The following NELFE variants were observed in gnomAD, a reference collection of about 807,000 sequenced individuals.
The protein encoded by NELFE is negative elongation factor E.
In NELFE, 26 loss-of-function variants were observed where a neutral mutation model predicts 55.5. The observed-to-expected ratio is 0.47, with a 90% CI of 0.34 to 0.65. The LOEUF is 0.65. Ranked by LOEUF, NELFE falls within the 30% of genes least tolerant of loss-of-function variation. The pLI is 0.01. For synonymous variants in NELFE, 162 were observed against 178.0 expected (o/e 0.91, Z 0.72); for missense variants, 403 against 506.9 (o/e 0.80, Z 1.97).
chr6:31,957,259 A>C, intron 2 of NELFE: 1 of 610,768 alleles, frequency 1.6e-6, no homozygotes, highest in Non-Finnish European at 2.9e-6. Context: ...AAGACAAATA[A>C]CTCAATCATG....
intron 10 of NELFE, among the ~76,000 whole-genome samples, 171 bp from the exon 11 acceptor site, chr6:31,952,569 A>C (rs1771838098): frequency 6.6e-6 from 1 of 152,188 alleles, no homozygotes; most frequent in Non-Finnish European, 1.5e-5. Flanking sequence ...GTGCCAACCC[A>C]TGGCCAAGAA....
chr6:31,954,693 GATCTCGGTC>G lies in NELFE; in HGVS notation c.595_603del (p.Asp199_Asp201del). On this transcript the variant is annotated inframe_deletion, in exon 7 of 11. Transcript: ENST00000375429. The surrounding 1 kb of genome is among the most constrained non-coding windows in gnomAD (Gnocchi z 5.5). ...CGATCCCGGTCTCGATCCCGCTCCC[GATCTCGGTC>G]TCTGTCCCGGTTCCTCTCATGGCTG... 1 of 1,592,294 alleles carries G rather than the reference GATCTCGGTC, an allele frequency of 6.3e-7. No individual in the cohort carries two copies.
At chr6:31,958,692 A>C (rs894655176) in intron 1 of NELFE, 200 bp downstream of exon 1, 1 of 703,018 alleles carries the variant, frequency 1.4e-6, no homozygotes, top group African/African-American at 1.7e-5. Context: ...ATGTGGTTCA[A>C]GGAGGGACAA....
intron 2 of NELFE, 114 bp from the exon 3 acceptor site, chr6:31,957,124 G>A (rs1207849017): frequency 2.3e-6 from 2 of 888,244 alleles, no homozygotes; most frequent in Non-Finnish European, 1.8e-6. Context: ...TGCCCTCAGA[G>A]TGGTACACTG....
At chr6:31,955,741 T>C (rs1277083772) in intron 4 of NELFE, among the ~76,000 whole-genome samples, 1 of 150,914 alleles carries the variant, frequency 6.6e-6, no homozygotes, top group African/African-American at 2.4e-5. Context: ...TAACCAGGAA[T>C]GAGCCATTGC....
intron 2 of NELFE, among the ~76,000 whole-genome samples, chr6:31,957,788 G>A (rs917369079): frequency 2.0e-5 from 3 of 152,154 alleles, no homozygotes; most frequent in African/African-American, 7.2e-5. Flanking sequence ...TGGATCATTT[G>A]AACAGGAGTG....
chr6:31,955,454 T>TA (rs538594030), intron 4 of NELFE, among the ~76,000 whole-genome samples, 161 bp from the exon 5 acceptor site: 9,318 of 151,040 alleles, frequency 0.062, 320 homozygotes, highest in South Asian at 0.13. Flanking sequence ...ACTTATTTTT[T>TA]TTTTTTTTTT....
At position 31,954,159 on chromosome 6, in the gene NELFE, G is replaced by A. The variant is rs1371148577; in HGVS notation, c.888-25C>T. 2 of 1,613,918 alleles carry A rather than the reference G, an allele frequency of 1.2e-6. No homozygotes were observed. The highest frequency in any genetic ancestry group is 8.5e-7 in the Non-Finnish European group (1 of 1,179,812). On this transcript the variant is annotated intron_variant, in intron 8 of 10. Coordinates refer to ENST00000375429, the MANE Select transcript of NELFE (RefSeq NM_002904.6). This position sits in a 1 kb window ranked among gnomAD's most constrained non-coding sequence, Gnocchi z 5.5. Reference sequence around the variant, plus strand: ...GCTGGGATAAGAGAAAACACGGTCAGTGGAGAGCCAAGGGGCTCTTCTGGA... The same window carrying A: ...GCTGGGATAAGAGAAAACACGGTCAATGGAGAGCCAAGGGGCTCTTCTGGA...
intron 1 of NELFE, 124 bp from the exon 2 acceptor site, chr6:31,958,578 AC>A: frequency 1.2e-6 from 1 of 812,690 alleles, no homozygotes; most frequent in Non-Finnish European, 2.1e-6. Context: ...GGCTTTCCCT[AC>A]CCCTTGCTTA....
Position 31,952,236 on chromosome 6 carries a change from C to A in NELFE, c.*65G>T. The A allele has an allele frequency of 6.9e-7, 1 of 1,449,600 alleles. No homozygotes were observed. Among genetic ancestry groups the A allele is most frequent in the Non-Finnish European group, 9.6e-7 (1 of 1,039,054 alleles). 89.8% of individuals were successfully genotyped at this position (1,449,600 alleles called of 1,614,324 possible). A position where few individuals can be genotyped will look rare whatever the true frequency, so the allele number is the denominator to read the frequency against. On this transcript the variant is annotated 3_prime_UTR_variant, in exon 11 of 11. Coordinates refer to ENST00000375429, the MANE Select transcript of NELFE (RefSeq NM_002904.6). Reference sequence around the variant, plus strand: ...AGGCTGAGGGAGATGTGTAAGCTTCCACCTCAGTGTTTTACTGAGACCAGC... The same window carrying A: ...AGGCTGAGGGAGATGTGTAAGCTTCAACCTCAGTGTTTTACTGAGACCAGC...
chr6:31,955,358 T>C (rs1772014330), intron 4 of NELFE, 65 bp from the exon 5 acceptor site: 1 of 1,181,592 alleles, frequency 8.5e-7, no homozygotes, highest in African/African-American at 1.5e-5. Flanking sequence ...ACCAGAGGTG[T>C]TCCTCTTCCC....
intron 10 of NELFE, 24 bp from the exon 11 acceptor site, chr6:31,952,422 T>C: frequency 6.4e-7 from 1 of 1,562,480 alleles, no homozygotes; most frequent in Non-Finnish European, 8.8e-7. Flanking sequence ...AGAGGAACAG[T>C]TAAGGTCTAA....
chr6:31,955,927 A>G (rs1395846735), intron 4 of NELFE, among the ~76,000 whole-genome samples: 6 of 146,834 alleles, frequency 4.1e-5, no homozygotes, highest in Non-Finnish European at 5.9e-5. Flanking sequence ...GCACCACCAC[A>G]TTCTGCTAAT....
At position 31,954,972 on chromosome 6, in the gene NELFE, A is replaced by G. The variant is rs1458401322; in HGVS notation, c.405-80T>C. ...CCTGTGGAGACTCAATATTCCCTCT[A>G]TAGCCCAGCTCCTACAGCCCAAACC... On this transcript the variant is annotated intron_variant, in intron 6 of 10. Coordinates refer to ENST00000375429, the MANE Select transcript of NELFE (RefSeq NM_002904.6). This position sits in a 1 kb window ranked among gnomAD's most constrained non-coding sequence, Gnocchi z 5.5. 4 of 1,612,654 alleles carry G rather than the reference A, an allele frequency of 2.5e-6. No homozygotes were observed. Among genetic ancestry groups the G allele is most frequent in the South Asian group, 1.1e-5 (1 of 90,974 alleles).
At chr6:31,953,124 C>T (rs918862801) in intron 10 of NELFE, among the ~76,000 whole-genome samples, 2 of 152,236 alleles carry the variant, frequency 1.3e-5, no homozygotes, top group African/African-American at 4.8e-5. Flanking sequence ...CAGGCCCCTG[C>T]GGTGCTGCTC....
Position 31,954,499 on chromosome 6 carries a change from A to G in NELFE, c.742+56T>C. 5.7e-6 allele frequency: 9 copies of G among 1,581,486 alleles called. No individual in the cohort carries two copies. Among genetic ancestry groups the G allele is most frequent in the Non-Finnish European group, 7.8e-6 (9 of 1,161,014 alleles). ...TAGACCATGCCACATTTCACTTAGT[A>G]GGACCCACATAAACCTCAGTTAAGG... On this transcript the variant is annotated intron_variant, in intron 7 of 10. Transcript: ENST00000375429. This position sits in a 1 kb window ranked among gnomAD's most constrained non-coding sequence, Gnocchi z 5.5.
chr6:31,957,575 G>A (rs376680332), intron 2 of NELFE: 55 of 380,992 alleles, frequency 1.4e-4, no homozygotes, highest in African/African-American at 9.5e-4. Flanking sequence ...ACACAGAGAG[G>A]AGAAGGGTAT....
In NELFE at chr6:31,958,913, G is replaced by T. The variant is rs182142262; in HGVS notation, c.-30C>A. 0.01 allele frequency: 6,184 copies of T among 594,350 alleles called. 71 individuals are homozygous for T. Among genetic ancestry groups the T allele is most frequent in the Middle Eastern group, 0.058 (130 of 2,240 alleles). 36.8% of individuals were successfully genotyped at this position (594,350 alleles called of 1,614,324 possible). A position where few individuals can be genotyped will look rare whatever the true frequency, so the allele number is the denominator to read the frequency against. On this transcript the variant is annotated 5_prime_UTR_variant, in exon 1 of 11. Transcript: ENST00000375429. ...TTACCCGAGGGGGCGGCAACCGGGG[G>T]CCCCACGGTCTCCGGCCGCGCCCGC... is the stretch of plus-strand genomic sequence containing the variant.
At chr6:31,952,475 T>C in intron 10 of NELFE, 77 bp from the exon 11 acceptor site, 1 of 1,083,030 alleles carries the variant, frequency 9.2e-7, no homozygotes, top group Non-Finnish European at 1.4e-6. Context: ...CCTGACCACC[T>C]CACTCCTGGC....
Sources: allele counts gnomAD v4.1 joint callset (sites outside exome capture counted in the v4.1 genomes callset), GRCh38; gene constraint gnomAD v4.1.1; non-coding constraint Gnocchi (gnomAD v3.1); transcripts MANE v1.5; gene names NCBI Gene and HGNC (gene_info 2026-07-23, HGNC 2026-07-21).